MYH3: variants seen among roughly 807,000 people sequenced by gnomAD.
MYH3 encodes myosin-3.
MYH3 carries 130 observed loss-of-function variants against 238.0 expected under a neutral mutation model. That is an observed-to-expected ratio of 0.55 (90% CI 0.47 to 0.63). The LOEUF (loss-of-function observed/expected upper bound fraction) is 0.63. Ranked by LOEUF, MYH3 falls within the 30% of genes least tolerant of loss-of-function variation. The pLI, the probability that MYH3 is intolerant of heterozygous loss-of-function variation, is 0.00. For synonymous variants in MYH3, 880 were observed against 924.1 expected (o/e 0.95, Z 0.86); for missense variants, 1,853 against 2,374.9 (o/e 0.78, Z 4.57).
rs770850703 is a variant in MYH3, at chr17:10,639,459, C to T, written c.2941G>A (p.Glu981Lys). The change falls in exon 24 of 41, where the codon GAG becomes AAG. Residue 981 changes from glutamate (E) to lysine (K), a missense_variant. This residue lies in a region of MYH3 where 1,044 missense variants were observed against 1,192.6 expected (regional missense o/e 0.88). Coordinates refer to ENST00000583535, the MANE Select transcript of MYH3 (RefSeq NM_002470.4). ...ATENKVKNLT[E>K]ELSGLDETIA... ...GTTTCATCTAACCCAGAGAGTTCCT[C>T]AGTAAGGTTTTTAACCTAAGAAGAA... The T allele has an allele frequency of 1.2e-6, 2 of 1,613,964 alleles. No individual in the cohort carries two copies. Among genetic ancestry groups the T allele is most frequent in the Middle Eastern group, 1.7e-4 (1 of 6,060 alleles).
At chr17:10,645,561 G>GA (rs2074313032) in intron 12 of MYH3, 146 bp downstream of exon 12, 1 of 991,158 alleles carries the variant, frequency 1.0e-6, no homozygotes, top group Admixed American at 1.8e-5. Flanking sequence ...GACCTCAGGT[G>GA]ATCTGGCCCC....
Position 10,636,437 on chromosome 17 carries a change from G to A in MYH3, c.3857-584C>T, listed in dbSNP as rs141913308. ...TCCCATCAGACCTCCCCAGTGGCAG[G>A]TGTTTCCAGCTGTTTATTGATTTGT... On this transcript the variant is annotated intron_variant, in intron 28 of 40. Coordinates refer to ENST00000583535, the MANE Select transcript of MYH3 (RefSeq NM_002470.4). Among the ~76,000 whole-genome samples, 667 of 152,228 alleles carry A rather than the reference G, an allele frequency of 4.4e-3. 8 individuals are homozygous for A. The highest frequency in any genetic ancestry group is 0.015 in the African/African-American group (617 of 41,534).
In MYH3 at chr17:10,639,544, C is replaced by G. The variant is rs2074248764; in HGVS notation, c.2925+16G>C. 1.2e-6 allele frequency: 2 copies of G among 1,614,134 alleles called. No individual in the cohort carries two copies. On this transcript the variant is annotated intron_variant, in intron 23 of 40. Transcript: ENST00000583535. The stretch of plus-strand genomic sequence containing the variant: ...CAATGACTATATCAAGCTAGACACA[C>G]CTACAATAAGAATACCTTGTTCTCT...
At chr17:10,653,202 C>A (rs936646821) in intron 3 of MYH3, among the ~76,000 whole-genome samples, 8 of 152,152 alleles carry the variant, frequency 5.3e-5, no homozygotes, top group Non-Finnish European at 1.0e-4. Context: ...CAGCAGGAAC[C>A]TTTCAGCTCA....
chr17:10,658,505 G>T (rs966612758), upstream of MYH3: 18 of 152,240 alleles, frequency 1.2e-4, no homozygotes, highest in Non-Finnish European at 1.5e-5. Context: ...AGTGCTTCGA[G>T]AAGACGCAGA....
intron 3 of MYH3, among the ~76,000 whole-genome samples, chr17:10,653,886 T>G (rs1387208259): frequency 6.6e-6 from 1 of 152,178 alleles, no homozygotes; most frequent in East Asian, 1.9e-4. Context: ...TAGCAGCCCA[T>G]TCTTAGCTCC....
chr17:10,640,780 G>A, intron 19 of MYH3, 94 bp from the exon 20 acceptor site: 1 of 1,469,334 alleles, frequency 6.8e-7, no homozygotes, highest in Non-Finnish European at 9.3e-7. Context: ...ATAGGCAGAA[G>A]GCCAAGGTCC....
chr17:10,662,619 C>T, the MYH3 span, among the ~76,000 whole-genome samples: 1 of 152,156 alleles, frequency 6.6e-6, no homozygotes, highest in Non-Finnish European at 1.5e-5. Context: ...ATGTCTTAGG[C>T]AGTTCGCATG....
At chr17:10,668,954 G>A in the MYH3 span, among the ~76,000 whole-genome samples, 1 of 152,264 alleles carries the variant, frequency 6.6e-6, no homozygotes, top group South Asian at 2.1e-4. Context: ...AGTAATCACT[G>A]TGTATATTAC....
At chr17:10,672,325 A>G in the MYH3 span, 1 of 152,168 alleles carries the variant, frequency 6.6e-6, no homozygotes, top group Non-Finnish European at 1.5e-5. Flanking sequence ...TAAATGCTAC[A>G]TAAGTACTAC....
chr17:10,668,152 TG>T, the MYH3 span, among the ~76,000 whole-genome samples: 1 of 152,250 alleles, frequency 6.6e-6, no homozygotes, highest in Non-Finnish European at 1.5e-5. Flanking sequence ...CCTAGCACTT[TG>T]GGAGGCCAAG....
chr17:10,666,227 T>C, the MYH3 span, among the ~76,000 whole-genome samples: 35 of 152,184 alleles, frequency 2.3e-4, no homozygotes, highest in East Asian at 7.7e-4. Flanking sequence ...TAAAAAACAA[T>C]AGATAAATCC....
chr17:10,631,445 C>A (rs2074155812), intron 36 of MYH3, among the ~76,000 whole-genome samples, 166 bp downstream of exon 36: 1 of 152,176 alleles, frequency 6.6e-6, no homozygotes, highest in Non-Finnish European at 1.5e-5. Flanking sequence ...TGCCCTTCTT[C>A]TAAAGTGCAG....
At chr17:10,650,138 A>C (rs192281497) in intron 6 of MYH3, among the ~76,000 whole-genome samples, 1 of 151,580 alleles carries the variant, frequency 6.6e-6, no homozygotes, top group African/African-American at 2.4e-5. Context: ...CACCCAGCTA[A>C]TTTTTTTGTA....
Position 10,637,802 on chromosome 17 carries a change from G to A in MYH3, c.3856+7C>T, listed in dbSNP as rs1376323387. 2 of 1,613,860 alleles carry A rather than the reference G, an allele frequency of 1.2e-6. No individual in the cohort carries two copies. The highest frequency in any genetic ancestry group is 1.7e-5 in the Admixed American group (1 of 59,998). ...TTGGCCCCACGGGTTTTCTGCACGT[G>A]GCTTACCAGCCTCGGTCTGCAAACG... On this transcript the variant is annotated splice_region_variant and intron_variant, in intron 28 of 40. Transcript: ENST00000583535.
At chr17:10,647,070 AAT>A (rs879911179) in intron 10 of MYH3, 110 bp downstream of exon 10, 21 of 852,638 alleles carry the variant, frequency 2.5e-5, no homozygotes, top group Non-Finnish European at 3.9e-5. Flanking sequence ...AATAAAATAA[AAT>A]AAACTTTCCC....
upstream of MYH3, among the ~76,000 whole-genome samples, chr17:10,657,652 C>G (rs1342005751): frequency 1.3e-5 from 2 of 152,134 alleles, no homozygotes; most frequent in Non-Finnish European, 2.9e-5. Flanking sequence ...GGCGTGAGCC[C>G]CTAGCTATTG....
At chr17:10,670,959 G>A in the MYH3 span, among the ~76,000 whole-genome samples, 3 of 151,980 alleles carry the variant, frequency 2.0e-5, no homozygotes, top group Non-Finnish European at 4.4e-5. This position sits in a 1 kb window ranked among gnomAD's most constrained non-coding sequence, Gnocchi z 7.0. Context: ...GCGCGATCTT[G>A]GCTCACTGCA....
the MYH3 span, among the ~76,000 whole-genome samples, chr17:10,664,062 TAAAAAAAAAAA>T: frequency 3.2e-5 from 2 of 63,348 alleles, no homozygotes; most frequent in South Asian, 1.2e-3. Flanking sequence ...GACTCCGTCT[TAAAAAAAAAAA>T]AAAAAAAAAA....
Sources: gnomAD v4.1 joint callset for allele counts (sites outside exome capture counted in the v4.1 genomes callset) on GRCh38, gnomAD v4.1.1 for gene constraint, gnomAD v4.1.1 regional missense constraint, Gnocchi (gnomAD v3.1) non-coding constraint, MANE v1.5 for transcripts, NCBI Gene and HGNC (gene_info 2026-07-23, HGNC 2026-07-21) for gene names.